The following NRG3 variants were observed in gnomAD, a reference collection of about 807,000 sequenced individuals.
NRG3 encodes the protein neuregulin 3.
A neutral mutation model predicts 66.9 loss-of-function variants in NRG3; 31 were observed. That is an observed-to-expected ratio of 0.46 (90% CI 0.35 to 0.63). The LOEUF is 0.63. Ranked by LOEUF, NRG3 falls within the 20% of genes least tolerant of loss-of-function variation. The probability of loss-of-function intolerance (pLI) is 0.00; values close to 1 mark genes in which losing one functional copy is unlikely to be tolerated. For missense variants in NRG3, 910 were observed against 878.9 expected (o/e 1.04, Z -0.45); for synonymous variants, 393 against 359.4 (o/e 1.09, Z -1.06).
At chr10:82,515,334 G>C (rs781399403) in intron 2 of NRG3, among the ~76,000 whole-genome samples, 132 of 152,236 alleles carry the variant, frequency 8.7e-4, no homozygotes, top group Non-Finnish European at 1.1e-3. Context: ...GTAATTTACT[G>C]TTTTTGTTTT....
At chr10:82,062,904 G>A (rs1458627460) in intron 1 of NRG3, among the ~76,000 whole-genome samples, 1 of 152,182 alleles carries the variant, frequency 6.6e-6, no homozygotes, top group Non-Finnish European at 1.5e-5. Flanking sequence ...TGCTTCTGGA[G>A]TGGTTTGGCC....
At chr10:82,112,554 G>C (rs982780665) in intron 1 of NRG3, among the ~76,000 whole-genome samples, 2 of 152,150 alleles carry the variant, frequency 1.3e-5, no homozygotes, top group Non-Finnish European at 2.9e-5. Context: ...TGTTTATCAA[G>C]TATTTTCTTA....
intron 2 of NRG3, among the ~76,000 whole-genome samples, chr10:82,650,438 A>G (rs543851421): frequency 6.6e-6 from 1 of 152,236 alleles, no homozygotes; most frequent in African/African-American, 2.4e-5. Context: ...AAAAACAAAA[A>G]AAAACACCTA....
chr10:82,952,491 G>C (rs903679082), intron 5 of NRG3, among the ~76,000 whole-genome samples: 117 of 149,632 alleles, frequency 7.8e-4, no homozygotes, highest in African/African-American at 1.6e-3. Context: ...GTGTGTGTGT[G>C]TGTGTGTGTG....
At chr10:81,912,352 G>T (rs1416131304) in intron 1 of NRG3, among the ~76,000 whole-genome samples, 1 of 152,108 alleles carries the variant, frequency 6.6e-6, no homozygotes, top group East Asian at 1.9e-4. Flanking sequence ...CTCCTGAGTA[G>T]CTGGGACCAC....
intron 1 of NRG3, among the ~76,000 whole-genome samples, chr10:82,349,393 G>A (rs990846864): frequency 6.6e-6 from 1 of 151,310 alleles, no homozygotes; most frequent in Non-Finnish European, 1.5e-5. Context: ...CAGGGGTCAG[G>A]GACCCACTTG....
At chr10:82,322,461 G>A (rs1454805568) in intron 1 of NRG3, among the ~76,000 whole-genome samples, 2 of 151,912 alleles carry the variant, frequency 1.3e-5, no homozygotes, top group Non-Finnish European at 2.9e-5. Flanking sequence ...GAATACAAGA[G>A]TTATATTGTT....
chr10:82,380,921 G>A (rs1253695671), intron 2 of NRG3, among the ~76,000 whole-genome samples: 1 of 151,956 alleles, frequency 6.6e-6, no homozygotes, highest in Non-Finnish European at 1.5e-5. Context: ...GAATGGCAGC[G>A]GATTACATTC....
chr10:82,565,140 A>G (rs897707685), intron 2 of NRG3, among the ~76,000 whole-genome samples: 3 of 152,150 alleles, frequency 2.0e-5, no homozygotes, highest in Non-Finnish European at 2.9e-5. Context: ...TAATATGAAC[A>G]TATGGCAAAC....
At chr10:82,600,862 G>C (rs1414134014) in intron 2 of NRG3, among the ~76,000 whole-genome samples, 1 of 152,018 alleles carries the variant, frequency 6.6e-6, no homozygotes, top group African/African-American at 2.4e-5. Context: ...GTGACACTGA[G>C]GTTTGAGCTT....
At position 82,977,921 on chromosome 10, in the gene NRG3, T is replaced by C. The variant is rs181051400; in HGVS notation, c.1413-1029T>C. The stretch of plus-strand genomic sequence containing the variant: ...AATGTCTTTGAGAGACTGGTTTCTT[T>C]AGAACCTTGATAAATTTATTGAAAT... On this transcript the variant is annotated intron_variant, in intron 7 of 8. Transcript: ENST00000372141. 7.9e-5 allele frequency among the ~76,000 whole-genome samples: 12 copies of C among 152,362 alleles called. No individual in the cohort carries two copies. The East Asian group carries it at 1.9e-3, about 24-fold the overall frequency.
chr10:82,632,292 T>C lies in NRG3; in HGVS notation c.954-106285T>C, dbSNP rs113212892. Among the ~76,000 whole-genome samples the C allele has an allele frequency of 5.0e-3, 758 of 152,280 alleles. 4 individuals carry two copies. Among genetic ancestry groups the C allele is most frequent in the African/African-American group, 0.017 (716 of 41,548 alleles). ...TCGTATACTCTGGGCTACTATTTCA[T>C]AGACTTGAAGATATATTCTGCCTGC... is the stretch of plus-strand genomic sequence containing the variant. On this transcript the variant is annotated intron_variant, in intron 2 of 8. Coordinates refer to ENST00000372141, the MANE Select transcript of NRG3 (RefSeq NM_001010848.4).
chr10:82,032,342 A>G (rs1241302772), intron 1 of NRG3, among the ~76,000 whole-genome samples: 1 of 152,080 alleles, frequency 6.6e-6, no homozygotes, highest in Non-Finnish European at 1.5e-5. Flanking sequence ...AAAAGTATTT[A>G]AAAGTACAAA....
At chr10:82,657,158 G>A (rs1464384127) in intron 2 of NRG3, among the ~76,000 whole-genome samples, 1 of 151,944 alleles carries the variant, frequency 6.6e-6, no homozygotes, top group African/African-American at 2.4e-5. Context: ...CACTCTCTCT[G>A]GCTCTTTATT....
chr10:82,765,500 A>G (rs941330687), intron 3 of NRG3, among the ~76,000 whole-genome samples: 4 of 152,184 alleles, frequency 2.6e-5, no homozygotes, highest in African/African-American at 9.6e-5. Flanking sequence ...TGCAAACTAA[A>G]GGATGCTAAT....
chr10:82,749,829 C>T (rs2058792530), intron 3 of NRG3, among the ~76,000 whole-genome samples: 1 of 151,782 alleles, frequency 6.6e-6, no homozygotes, highest in African/African-American at 2.4e-5. Context: ...CCAAGACTAC[C>T]CGAAGATTAA....
At chr10:82,452,975 C>G (rs958243903) in intron 2 of NRG3, among the ~76,000 whole-genome samples, 3 of 152,102 alleles carry the variant, frequency 2.0e-5, no homozygotes, top group Non-Finnish European at 4.4e-5. Flanking sequence ...ATAATGTAGT[C>G]CCTGGCTCAG....
At chr10:82,750,614 C>A (rs908786787) in intron 3 of NRG3, among the ~76,000 whole-genome samples, 2 of 152,066 alleles carry the variant, frequency 1.3e-5, no homozygotes, top group African/African-American at 2.4e-5. Flanking sequence ...CCTCTGTCTA[C>A]ACATCCTTAT....
intron 2 of NRG3, among the ~76,000 whole-genome samples, chr10:82,398,337 A>G (rs2086849231): frequency 6.6e-6 from 1 of 151,922 alleles, no homozygotes. Context: ...GGTTACTGAA[A>G]ACCCAGGGCT....
Sources: allele counts gnomAD v4.1 joint callset (sites outside exome capture counted in the v4.1 genomes callset), GRCh38; gene constraint gnomAD v4.1.1; transcripts MANE v1.5; gene names NCBI Gene and HGNC (gene_info 2026-07-23, HGNC 2026-07-21).